Variants in EYA4 observed in about 807,000 individuals in gnomAD.
EYA4 encodes protein phosphatase EYA4.
Under a neutral mutation model 87.9 loss-of-function variants are expected in EYA4, and 31 were observed. The observed-to-expected ratio is 0.35, with a 90% CI of 0.27 to 0.48. The LOEUF is 0.48. EYA4 is among the 20% of genes least tolerant of loss of function. EYA4 has a pLI of 0.99. For missense variants in EYA4, 678 were observed against 761.4 expected (o/e 0.89, Z 1.29); for synonymous variants, 263 against 270.6 (o/e 0.97, Z 0.28).
chr6:133,469,215 A>G (rs1030862520), intron 11 of EYA4, among the ~76,000 whole-genome samples: 1 of 152,028 alleles, frequency 6.6e-6, no homozygotes, highest in Non-Finnish European at 1.5e-5. Flanking sequence ...GTGTTTCATT[A>G]TCTGAAACTT....
At chr6:133,474,058 T>A (rs1459716598) in intron 11 of EYA4, among the ~76,000 whole-genome samples, 1 of 152,034 alleles carries the variant, frequency 6.6e-6, no homozygotes, top group Non-Finnish European at 1.5e-5. Context: ...CTTATCACCC[T>A]GTGGAAGGTT....
At chr6:133,252,949 A>G (rs1429960464) in intron 1 of EYA4, among the ~76,000 whole-genome samples, 6 of 16,718 alleles carry the variant, frequency 3.6e-4, no homozygotes, top group Middle Eastern at 0.033. Flanking sequence ...GAAAACACAC[A>G]CACACACACA....
intron 2 of EYA4, among the ~76,000 whole-genome samples, chr6:133,381,998 A>T (rs1316257275): frequency 6.6e-6 from 1 of 152,220 alleles, no homozygotes; most frequent in Non-Finnish European, 1.5e-5. Context: ...TGTGCTTTGC[A>T]TCAAAACCTG....
chr6:133,385,340 A>G (rs1203401792), intron 3 of EYA4, among the ~76,000 whole-genome samples: 3 of 136,484 alleles, frequency 2.2e-5, no homozygotes, highest in African/African-American at 5.6e-5. Flanking sequence ...TATATTTTAT[A>G]CATATATATA....
chr6:133,336,534 A>C (rs1468801448), intron 2 of EYA4, among the ~76,000 whole-genome samples: 3 of 152,210 alleles, frequency 2.0e-5, no homozygotes, highest in African/African-American at 7.2e-5. Flanking sequence ...TTCTATAAGA[A>C]TCCTAGAGTG....
At chr6:133,431,342 T>C (rs1427536243) in intron 3 of EYA4, among the ~76,000 whole-genome samples, 3 of 152,146 alleles carry the variant, frequency 2.0e-5, no homozygotes, top group Admixed American at 6.5e-5. Flanking sequence ...AATAGGCTGT[T>C]CTAGGGCAAG....
At chr6:133,518,615 A>G (rs1214911176) in intron 17 of EYA4, among the ~76,000 whole-genome samples, 1 of 152,174 alleles carries the variant, frequency 6.6e-6, no homozygotes, top group East Asian at 1.9e-4. Flanking sequence ...CGAAAGATGT[A>G]AGAATATATT....
chr6:133,262,281 C>T (rs1775858908), intron 1 of EYA4, among the ~76,000 whole-genome samples: 1 of 152,188 alleles, frequency 6.6e-6, no homozygotes, highest in South Asian at 2.1e-4. Flanking sequence ...CTAAGAAAGG[C>T]TTCAAATATA....
At chr6:133,433,584 G>T (rs1791379586) in intron 3 of EYA4, among the ~76,000 whole-genome samples, 1 of 152,146 alleles carries the variant, frequency 6.6e-6, no homozygotes, top group Non-Finnish European at 1.5e-5. Flanking sequence ...TCCATCTCTT[G>T]ACCTCATGAT....
In EYA4 at chr6:133,530,576, C is replaced by T. The variant is rs1268962378; in HGVS notation, c.*1771C>T. The T allele has an allele frequency of 7.1e-6, 7 of 985,816 alleles. No individual in the cohort carries two copies. In the African/African-American group the frequency reaches 1.2e-4, roughly 17 times the overall value. The allele number at this position is 985,816 out of a possible 1,614,324, so 61.1% of individuals were successfully genotyped here. On this transcript the variant is annotated 3_prime_UTR_variant, in exon 20 of 20. Transcript: ENST00000355286. ...TCATCAACTGAGGCCTCTGTGGCTTCAATAAAGTCTACATTTTGCTCACAG... is the reference window on the plus strand; with the variant it reads ...TCATCAACTGAGGCCTCTGTGGCTTTAATAAAGTCTACATTTTGCTCACAG...
chr6:133,382,274 GT>G, intron 2 of EYA4, 117 bp from the exon 3 acceptor site: 1 of 783,648 alleles, frequency 1.3e-6, no homozygotes, highest in Non-Finnish European at 2.3e-6. Context: ...GCTGTAAAGT[GT>G]GGGGGGTATT....
At chr6:133,278,020 C>G (rs1337337237) in intron 2 of EYA4, among the ~76,000 whole-genome samples, 1 of 152,166 alleles carries the variant, frequency 6.6e-6, no homozygotes, top group Non-Finnish European at 1.5e-5. Flanking sequence ...TCCTTTTTAT[C>G]CTTCACAAGC....
intron 11 of EYA4, among the ~76,000 whole-genome samples, chr6:133,468,934 T>G (rs1208126270): frequency 6.6e-6 from 1 of 152,082 alleles, no homozygotes; most frequent in Admixed American, 6.6e-5. Flanking sequence ...GATAGGCGAT[T>G]TTAATCTCTA....
chr6:133,405,939 G>A (rs1562382600), intron 3 of EYA4, among the ~76,000 whole-genome samples: 1 of 152,082 alleles, frequency 6.6e-6, no homozygotes, highest in Admixed American at 6.6e-5. Context: ...GTCCTGAGGT[G>A]AGAGCATGTC....
intron 2 of EYA4, among the ~76,000 whole-genome samples, chr6:133,329,221 A>G (rs1462994356): frequency 6.6e-6 from 1 of 151,932 alleles, no homozygotes; most frequent in Non-Finnish European, 1.5e-5. Flanking sequence ...TTCTGAACTT[A>G]TTTTTTCCAA....
chr6:133,443,225 G>A (rs9375964), intron 3 of EYA4, among the ~76,000 whole-genome samples: 29,533 of 151,424 alleles, frequency 0.2, 3,029 homozygotes, highest in East Asian at 0.32. Flanking sequence ...AATAACAGTA[G>A]CAAAAAAAGT....
intron 2 of EYA4, among the ~76,000 whole-genome samples, chr6:133,354,615 G>A (rs1011272845): frequency 3.3e-5 from 5 of 152,094 alleles, no homozygotes; most frequent in African/African-American, 9.7e-5. Flanking sequence ...TTCTAAATAT[G>A]TACTAATTTC....
At chr6:133,475,567 C>T (rs894509694) in intron 11 of EYA4, among the ~76,000 whole-genome samples, 4 of 152,012 alleles carry the variant, frequency 2.6e-5, no homozygotes, top group Admixed American at 1.3e-4. Flanking sequence ...TGGTATTTCA[C>T]GTAAGGAAAG....
At chr6:133,353,622 C>T (rs1783798573) in intron 2 of EYA4, among the ~76,000 whole-genome samples, 1 of 152,160 alleles carries the variant, frequency 6.6e-6, no homozygotes, top group African/African-American at 2.4e-5. Flanking sequence ...ACCGGATTCT[C>T]TCACCTTATG....
Sources: allele counts gnomAD v4.1 joint callset (sites outside exome capture counted in the v4.1 genomes callset), GRCh38; gene constraint gnomAD v4.1.1; transcripts MANE v1.5; gene names NCBI Gene and HGNC (gene_info 2026-07-23, HGNC 2026-07-21).